The following DHTKD1 variants were observed in gnomAD, a reference collection of about 807,000 sequenced individuals.
DHTKD1 encodes the protein 2-oxoadipate dehydrogenase complex component E1.
In DHTKD1, 78 loss-of-function variants were observed where a neutral mutation model predicts 101.8. The observed-to-expected ratio is 0.77, with a 90% CI of 0.64 to 0.93. The LOEUF is 0.93. Ranked by LOEUF, DHTKD1 falls within the 40% of genes least tolerant of loss-of-function variation. The pLI is 0.00. For missense variants in DHTKD1, 1,223 were observed against 1,161.7 expected, an observed-to-expected ratio of 1.05 and a Z score of -0.77; for synonymous variants, 462 against 450.3, an observed-to-expected ratio of 1.03 and a Z score of -0.33.
rs1298715789 is a variant in DHTKD1 at position 12,084,724 on chromosome 10, T to C, written c.495T>C (p.His165=). The stretch of plus-strand genomic sequence containing the variant: ...CGTTTACCACAGAAGAGCGAAAACA[T>C]CTGTCGAAACTAATGCTGGAATCTC... The part of the protein sequence containing the change: ...KETFTTEERK[H]LSKLMLESQE... The change falls in exon 3 of 17, where the codon CAT becomes CAC. Residue 165 remains histidine, a synonymous_variant. Transcript: ENST00000263035. The C allele has an allele frequency of 2.5e-6, 4 of 1,613,928 alleles. No homozygotes were observed. Among genetic ancestry groups the C allele is most frequent in the Non-Finnish European group, 3.4e-6 (4 of 1,180,014 alleles).
intron 6 of DHTKD1, 21 bp downstream of exon 6, chr10:12,091,705 C>G (rs1832992734): frequency 1.2e-6 from 2 of 1,607,708 alleles, no homozygotes; most frequent in African/African-American, 2.7e-5. Context: ...CAGGGAGGAA[C>G]TGATATTGCT....
At chr10:12,101,458 C>T (rs1185409954) in intron 10 of DHTKD1, among the ~76,000 whole-genome samples, 3 of 152,200 alleles carry the variant, frequency 2.0e-5, no homozygotes, top group Non-Finnish European at 4.4e-5. Flanking sequence ...TTATCATCTG[C>T]ATATTGCTGT....
chr10:12,073,957 T>G (rs1169946518), intron 1 of DHTKD1, among the ~76,000 whole-genome samples: 4 of 152,182 alleles, frequency 2.6e-5, no homozygotes, highest in African/African-American at 9.6e-5. Context: ...TCTGATATTC[T>G]CCTTTATTTT....
intron 1 of DHTKD1, among the ~76,000 whole-genome samples, chr10:12,080,169 A>G (rs999430824): frequency 1.3e-5 from 2 of 151,922 alleles, no homozygotes; most frequent in African/African-American, 4.8e-5. Context: ...GGGCGCCTGT[A>G]GGCGCCTGTA....
intron 11 of DHTKD1, among the ~76,000 whole-genome samples, chr10:12,106,999 T>G (rs980176695): frequency 6.6e-6 from 1 of 151,412 alleles, no homozygotes; most frequent in Non-Finnish European, 1.5e-5. Context: ...TTTTTTTTTT[T>G]TTTGAGACGG....
rs540094769 is a variant in DHTKD1 at position 12,107,308 on chromosome 10, A to G, written c.2048-601A>G. ...GCCGGGAGCTGCCCATTCTTGTAAG[A>G]GTGGTGCCTGCGGTGGTATTGGAGC... On this transcript the variant is annotated intron_variant, in intron 11 of 16. Coordinates refer to ENST00000263035, the MANE Select transcript of DHTKD1 (RefSeq NM_018706.7). This position sits in a 1 kb window ranked among gnomAD's most constrained non-coding sequence, Gnocchi z 4.1. 6.6e-6 allele frequency among the ~76,000 whole-genome samples: 1 copy of G among 151,342 alleles called. No individual in the cohort carries two copies. Among genetic ancestry groups the G allele is most frequent in the East Asian group, 2.0e-4 (1 of 5,096 alleles).
chr10:12,080,257 G>C (rs373774053), intron 1 of DHTKD1, among the ~76,000 whole-genome samples: 1 of 143,610 alleles, frequency 7.0e-6, no homozygotes, highest in African/African-American at 2.6e-5. Context: ...CCAGGATCAC[G>C]CCACTGCACT....
At chr10:12,100,646 T>TAACTA (rs1554793045) in intron 9 of DHTKD1, among the ~76,000 whole-genome samples, 2 of 152,190 alleles carry the variant, frequency 1.3e-5, no homozygotes, top group Non-Finnish European at 2.9e-5. Context: ...ATTTGAGTTA[T>TAACTA]AACTACCTCC....
chr10:12,102,367 T>G (rs1833184330), intron 10 of DHTKD1, among the ~76,000 whole-genome samples: 1 of 140,098 alleles, frequency 7.1e-6, no homozygotes, highest in Admixed American at 8.1e-5. Flanking sequence ...GAGGTTGCAG[T>G]GAGCCGAGAA....
chr10:12,100,291 T>TTTTTTTTTG (rs1554793020), intron 9 of DHTKD1, 29 bp downstream of exon 9: 4 of 863,268 alleles, frequency 4.6e-6, no homozygotes, highest in East Asian at 2.8e-5. Context: ...TTTTCTGTTT[T>TTTTTTTTTG]TTTTTTTTTT....
At chr10:12,083,137 G>A (rs533573071) in intron 2 of DHTKD1, among the ~76,000 whole-genome samples, 10 of 149,302 alleles carry the variant, frequency 6.7e-5, no homozygotes, top group South Asian at 2.1e-4. Context: ...CAGCCTGGGC[G>A]ACAGAGCGAG....
In DHTKD1 at chr10:12,120,933, A is replaced by G. The variant is rs759016346; in HGVS notation, c.*45A>G. ...ACTATTTCTCTTTAAGAAAATGGCC[A>G]TTAAGGCCGGGTGGGGTGGCACATG... On this transcript the variant is annotated 3_prime_UTR_variant, in exon 17 of 17. Coordinates refer to ENST00000263035, the MANE Select transcript of DHTKD1 (RefSeq NM_018706.7). 2.4e-5 allele frequency: 37 copies of G among 1,564,790 alleles called. No individual in the cohort carries two copies. In the South Asian group the frequency reaches 3.9e-4, roughly 16 times the overall value.
Position 12,119,020 on chromosome 10 carries a change from T to C in DHTKD1, c.2572+102T>C, listed in dbSNP as rs1441852070. ...TGGTGGGGGTTATTAGAAAATTGAA[T>C]CTTGGGCCGGGCGCGGTGGCTCACA... On this transcript the variant is annotated intron_variant, in intron 15 of 16. Coordinates refer to ENST00000263035, the MANE Select transcript of DHTKD1 (RefSeq NM_018706.7). 5 of 1,250,790 alleles carry C rather than the reference T, an allele frequency of 4.0e-6. No individual in the cohort carries two copies. In the East Asian group the frequency reaches 1.1e-4, roughly 27 times the overall value. 77.5% of individuals were successfully genotyped at this position (1,250,790 alleles called of 1,614,324 possible).
In DHTKD1 at chr10:12,107,869, G is replaced by T. The variant is rs370232257; in HGVS notation, c.2048-40G>T. On this transcript the variant is annotated intron_variant, in intron 11 of 16. Coordinates refer to ENST00000263035, the MANE Select transcript of DHTKD1 (RefSeq NM_018706.7). This position sits in a 1 kb window ranked among gnomAD's most constrained non-coding sequence, Gnocchi z 4.1. ...AGTCGTGTCAGGCCACTTTGTCCCC[G>T]CTTCGTAGAGCTCTTACTCCCCACG... 1.0e-5 allele frequency: 14 copies of T among 1,404,798 alleles called. No homozygotes were observed. The highest frequency in any genetic ancestry group is 1.4e-5 in the Non-Finnish European group (14 of 994,762). The allele number at this position is 1,404,798 out of a possible 1,614,324, so 87.0% of individuals were successfully genotyped here.
chr10:12,091,165 C>A (rs534467631), intron 5 of DHTKD1, among the ~76,000 whole-genome samples: 2 of 152,210 alleles, frequency 1.3e-5, no homozygotes, highest in Non-Finnish European at 2.9e-5. Flanking sequence ...AATCCCAGCA[C>A]TTTGGGAGGC....
intron 1 of DHTKD1, among the ~76,000 whole-genome samples, chr10:12,079,764 T>C (rs1019652679): frequency 2.6e-5 from 4 of 152,234 alleles, no homozygotes; most frequent in Non-Finnish European, 5.9e-5. Flanking sequence ...AAAGGTTTCC[T>C]ACTTCATATG....
chr10:12,069,019 G>A lies in DHTKD1; in HGVS notation c.-15G>A. On this transcript the variant is annotated 5_prime_UTR_variant, in exon 1 of 17. Coordinates refer to ENST00000263035, the MANE Select transcript of DHTKD1 (RefSeq NM_018706.7). Reference sequence around the variant, plus strand: ...GGCTCCCGCCTTAGCATGCTGGCCGGGACATCTGGTGAACATGGCCTCTGC... The same window carrying A: ...GGCTCCCGCCTTAGCATGCTGGCCGAGACATCTGGTGAACATGGCCTCTGC... The A allele has an allele frequency of 6.2e-7, 1 of 1,613,006 alleles. No individual in the cohort carries two copies. Among genetic ancestry groups the A allele is most frequent in the South Asian group, 1.1e-5 (1 of 91,028 alleles).
intron 11 of DHTKD1, 125 bp downstream of exon 11, chr10:12,106,521 G>C: frequency 8.2e-7 from 1 of 1,214,362 alleles, no homozygotes; most frequent in African/African-American, 1.5e-5. Flanking sequence ...GCGCCTCCAG[G>C]GAGTTGGGGT....
Position 12,094,107 on chromosome 10 carries a change from T to C in DHTKD1, c.1194T>C (p.Asn398=), listed in dbSNP as rs150179532. The part of the protein sequence containing the change: ...KLVGCAIIHV[N]GDSPEEVVRA... The stretch of plus-strand genomic sequence containing the variant: ...TGGGCTGTGCCATCATCCATGTCAA[T>C]GGAGACAGCCCAGAGGAAGTGGTCC... Residue 398 remains asparagine (N), a synonymous_variant, in exon 7 of 17, where the codon AAT becomes AAC. Transcript: ENST00000263035. 8.7e-6 allele frequency: 14 copies of C among 1,613,998 alleles called. No individual in the cohort carries two copies. The African/African-American group carries it at 1.7e-4, about 20-fold the overall frequency.
Sources: allele counts gnomAD v4.1 joint callset (sites outside exome capture counted in the v4.1 genomes callset), GRCh38; gene constraint gnomAD v4.1.1; non-coding constraint Gnocchi (gnomAD v3.1); transcripts MANE v1.5; gene names NCBI Gene and HGNC (gene_info 2026-07-23, HGNC 2026-07-21).